ANXA1: variants seen among roughly 807,000 people sequenced by gnomAD.
ANXA1 encodes annexin I (lipocortin I).
ANXA1 carries 39 observed loss-of-function variants against 47.9 expected under a neutral mutation model. The observed-to-expected ratio is 0.81, with a 90% CI of 0.63 to 1.06. The LOEUF is 1.06. ANXA1 is among the 50% of genes least tolerant of loss of function. The pLI is 0.00. For synonymous variants in ANXA1, 146 were observed against 142.5 expected (o/e 1.02, Z -0.17); for missense variants, 446 against 422.7 (o/e 1.06, Z -0.48).
rs1175188415 is a variant in ANXA1, at chr9:73,169,900, A to G, written c.985-151A>G. 5 of 443,704 alleles carry G rather than the reference A, an allele frequency of 1.1e-5. No homozygotes were observed. The East Asian group carries it at 1.7e-4, about 15-fold the overall frequency. 27.5% of individuals were successfully genotyped at this position (443,704 alleles called of 1,614,324 possible). On this transcript the variant is annotated intron_variant, in intron 12 of 12. Transcript: ENST00000257497. ...CTTTTTTATGCAATGATAAAAAATC[A>G]GTTATCTGTTGTATATATTGTTTAA...
intron 1 of ANXA1, chr9:73,157,877 A>T (rs1824074388): frequency 6.6e-6 from 1 of 152,164 alleles, no homozygotes. Context: ...AAACAAAAAG[A>T]AACCCATTAA....
chr9:73,161,161 G>A (rs1185173116), intron 6 of ANXA1, among the ~76,000 whole-genome samples: 2 of 152,034 alleles, frequency 1.3e-5, no homozygotes, highest in South Asian at 2.1e-4. Context: ...GGCCACATAC[G>A]ATTATAATGG....
intron 4 of ANXA1, among the ~76,000 whole-genome samples, 179 bp from the exon 5 acceptor site, chr9:73,160,084 G>A (rs1824112125): frequency 6.6e-6 from 1 of 152,078 alleles, no homozygotes; most frequent in African/African-American, 2.4e-5. Flanking sequence ...CTCTAGATCT[G>A]GAAGGGTAAG....
chr9:73,164,652 A>G (rs980938433), intron 8 of ANXA1, among the ~76,000 whole-genome samples: 6 of 152,130 alleles, frequency 3.9e-5, no homozygotes, highest in African/African-American at 1.4e-4. Flanking sequence ...AGGTTGATCT[A>G]TTTGTCTAAG....
At chr9:73,165,250 A>G (rs772363346) in intron 9 of ANXA1, 41 bp downstream of exon 9, 10 of 1,534,810 alleles carry the variant, frequency 6.5e-6, no homozygotes, top group Non-Finnish European at 8.9e-6. Flanking sequence ...TTTATGGAAG[A>G]TGCAATTTTC....
At chr9:73,163,556 T>C in intron 8 of ANXA1, 24 bp downstream of exon 8, 1 of 1,611,484 alleles carries the variant, frequency 6.2e-7, no homozygotes, top group Non-Finnish European at 8.5e-7. Flanking sequence ...TACAAAATAC[T>C]GCTGCAGTTC....
At chr9:73,167,476 T>C in intron 10 of ANXA1, 21 bp from the exon 11 acceptor site, 1 of 1,606,824 alleles carries the variant, frequency 6.2e-7, no homozygotes, top group South Asian at 1.1e-5. Context: ...ATACATCAAC[T>C]AAAATTTTCT....
chr9:73,162,304 T>G lies in ANXA1; in HGVS notation c.476-478T>G, dbSNP rs548165734. On this transcript the variant is annotated intron_variant, in intron 6 of 12. Coordinates refer to ENST00000257497, the MANE Select transcript of ANXA1 (RefSeq NM_000700.3). Reference sequence around the variant, plus strand: ...TTTTTCCTATTACAGTATTATTTTATGTAGTTAAGCAGAAGTGTTTACACA... The same window carrying G: ...TTTTTCCTATTACAGTATTATTTTAGGTAGTTAAGCAGAAGTGTTTACACA... 5.3e-5 allele frequency among the ~76,000 whole-genome samples: 8 copies of G among 152,334 alleles called. No homozygotes were observed. In the South Asian group the frequency reaches 1.7e-3, roughly 32 times the overall value.
chr9:73,158,365 G>C (rs975088152), intron 1 of ANXA1, 157 bp from the exon 2 acceptor site: 2 of 580,406 alleles, frequency 3.4e-6, no homozygotes, highest in Non-Finnish European at 6.1e-6. Context: ...AAAAAATTAC[G>C]TCTTACATTT....
chr9:73,162,752 A>C, intron 6 of ANXA1, 30 bp from the exon 7 acceptor site: 1 of 1,528,496 alleles, frequency 6.5e-7, no homozygotes, highest in Non-Finnish European at 9.0e-7. Context: ...TCACTGGTTT[A>C]CTATAAAATC....
chr9:73,169,755 G>T (rs1474495654), intron 12 of ANXA1, among the ~76,000 whole-genome samples: 1 of 152,040 alleles, frequency 6.6e-6, no homozygotes, highest in African/African-American at 2.4e-5. Context: ...TAAGATATGA[G>T]ATTATATTGT....
At position 73,165,186 on chromosome 9, in the gene ANXA1, G is replaced by A; in HGVS notation, c.683G>A (p.Arg228Lys). The part of the protein sequence containing the change: ...VNVFNTILTT[R>K]SYPQLRRVFQ... ...GTGTTCAATACCATCCTTACCACCA[G>A]AAGCTATCCACAACTTCGCAGAGGT... The change falls in exon 9 of 13, where the codon AGA becomes AAA. Residue 228 changes from arginine to lysine, a missense_variant. Transcript: ENST00000257497. 6.2e-7 allele frequency: 1 copy of A among 1,612,684 alleles called. No homozygotes were observed. The highest frequency in any genetic ancestry group is 8.5e-7 in the Non-Finnish European group (1 of 1,179,018).
intron 11 of ANXA1, 138 bp downstream of exon 11, chr9:73,167,693 G>A (rs1463351546): frequency 1.4e-5 from 11 of 772,216 alleles, no homozygotes; most frequent in Non-Finnish European, 1.8e-5. Context: ...TGATGAAAGA[G>A]GTAATACACT....
At chr9:73,152,393 A>G (rs1321194735) in intron 1 of ANXA1, among the ~76,000 whole-genome samples, 1 of 152,188 alleles carries the variant, frequency 6.6e-6, no homozygotes, top group African/African-American at 2.4e-5. Context: ...GACTTTCATA[A>G]TTTATTTTCT....
Position 73,159,440 on chromosome 9 carries a change from A to C in ANXA1, c.270+17A>C, listed in dbSNP as rs764404494. Reference sequence around the variant, plus strand: ...ACAGGAAAGGTAAGTTAGAGTGGTAAATTTAGATATTTAATTTCAGCATAG... The same window carrying C: ...ACAGGAAAGGTAAGTTAGAGTGGTACATTTAGATATTTAATTTCAGCATAG... On this transcript the variant is annotated intron_variant, in intron 4 of 12. Coordinates refer to ENST00000257497, the MANE Select transcript of ANXA1 (RefSeq NM_000700.3). 1.3e-6 allele frequency: 2 copies of C among 1,599,338 alleles called. No individual in the cohort carries two copies. The highest frequency in any genetic ancestry group is 1.7e-6 in the Non-Finnish European group (2 of 1,167,374).
intron 12 of ANXA1, 33 bp from the exon 13 acceptor site, chr9:73,170,018 T>A: frequency 6.6e-7 from 1 of 1,523,294 alleles, no homozygotes; most frequent in Non-Finnish European, 8.9e-7. Flanking sequence ...TGGTTTCGAC[T>A]AACATTAAGT....
chr9:73,155,551 C>T (rs1824033729), intron 1 of ANXA1, among the ~76,000 whole-genome samples: 1 of 152,120 alleles, frequency 6.6e-6, no homozygotes. Flanking sequence ...TTAATACGTG[C>T]AGTTGGCTTT....
chr9:73,158,482 G>A (rs1167861851), intron 1 of ANXA1, 40 bp from the exon 2 acceptor site: 4 of 1,472,930 alleles, frequency 2.7e-6, no homozygotes, highest in Non-Finnish European at 3.8e-6. Flanking sequence ...TGTGTGTGGT[G>A]CATTTGTTTT....
At chr9:73,153,088 G>A (rs1823995980) in intron 1 of ANXA1, among the ~76,000 whole-genome samples, 1 of 152,052 alleles carries the variant, frequency 6.6e-6, no homozygotes, top group South Asian at 2.1e-4. Flanking sequence ...ATTCTGAAAT[G>A]GCCTCTTCCC....
Sources: allele counts gnomAD v4.1 joint callset (sites outside exome capture counted in the v4.1 genomes callset), GRCh38; gene constraint gnomAD v4.1.1; transcripts MANE v1.5; gene names NCBI Gene and HGNC (gene_info 2026-07-23, HGNC 2026-07-21).